The following MYO9A variants were observed in gnomAD, a reference collection of about 807,000 sequenced individuals.
MYO9A encodes unconventional myosin-IXa.
A neutral mutation model predicts 293.3 loss-of-function variants in MYO9A; 103 were observed. The observed-to-expected ratio is 0.35, with a 90% confidence interval of 0.30 to 0.41. MYO9A has a LOEUF of 0.41. MYO9A is among the 10% of genes least tolerant of loss of function. MYO9A has a pLI of 1.00. For synonymous variants in MYO9A, 1,001 were observed against 1,035.7 expected (o/e 0.97, Z 0.64); for missense variants, 2,685 against 3,033.0 (o/e 0.89, Z 2.69).
chr15:71,956,329 A>ATTTT lies in MYO9A; in HGVS notation c.2182+3571_2182+3572insAAAA, dbSNP rs1273937101. Among the ~76,000 whole-genome samples, 26 of 96,770 alleles carry ATTTT rather than the reference A, an allele frequency of 2.7e-4. No individual in the cohort carries two copies. The South Asian group carries it at 7.1e-3, about 26-fold the overall frequency. The allele number at this position is 96,770 out of a possible 152,430, so 63.5% of individuals were successfully genotyped here. On this transcript the variant is annotated intron_variant, in intron 14 of 41. Coordinates refer to ENST00000356056, the MANE Select transcript of MYO9A (RefSeq NM_006901.4). ...GGCTCTTAAAAAAAAAAAAAAAAAA[A>ATTTT]AATATATATATATATATATATAAAA...
chr15:72,114,022 G>A (rs2080877787), intron 1 of MYO9A, among the ~76,000 whole-genome samples: 2 of 152,200 alleles, frequency 1.3e-5, no homozygotes, highest in Admixed American at 6.5e-5. Flanking sequence ...ACTGAAGAAA[G>A]AAACGGTATC....
intron 6 of MYO9A, among the ~76,000 whole-genome samples, chr15:72,015,981 C>T (rs2077326403): frequency 1.3e-5 from 2 of 152,068 alleles, no homozygotes; most frequent in Admixed American, 1.3e-4. Context: ...AGCCACTGCG[C>T]CCAGCCTCAG....
rs372314723 is a variant in MYO9A at position 71,878,021 on chromosome 15, C to T, written c.5931+19G>A. On this transcript the variant is annotated intron_variant, in intron 31 of 41. Transcript: ENST00000356056. ...TTCATAATTAAATCCTTTAAGTAAT[C>T]AAAATATATCACATTTACCTTTGTG... 4.5e-6 allele frequency: 7 copies of T among 1,550,198 alleles called. No individual in the cohort carries two copies. The highest frequency in any genetic ancestry group is 2.6e-6 in the Non-Finnish European group (3 of 1,151,022).
intron 2 of MYO9A, among the ~76,000 whole-genome samples, chr15:72,040,855 A>G (rs879690948): frequency 2.0e-5 from 3 of 152,230 alleles, no homozygotes; most frequent in Admixed American, 6.5e-5. Flanking sequence ...TGAAAACACA[A>G]TATGTCAGAA....
intron 19 of MYO9A, among the ~76,000 whole-genome samples, chr15:71,911,661 CAT>C (rs1245674550): frequency 6.6e-6 from 1 of 152,204 alleles, no homozygotes; most frequent in African/African-American, 2.4e-5. Flanking sequence ...TAAGTAGAGA[CAT>C]AGTGCTATGA....
rs2054412957 is a variant in MYO9A, at chr15:71,824,993, A to AAATACAGGTTAT, written c.*1575_*1586dup. ...GAAGTATGAAAAGGAAGAATACCCA[A>AAATACAGGTTAT]AATACAGGTTATAGATGGTAAAGGC... On this transcript the variant is annotated 3_prime_UTR_variant, in exon 42 of 42. Coordinates refer to ENST00000356056, the MANE Select transcript of MYO9A (RefSeq NM_006901.4). The AAATACAGGTTAT allele has an allele frequency of 6.6e-6, 1 of 152,256 alleles. No homozygotes were observed. The highest frequency in any genetic ancestry group is 2.1e-4 in the South Asian group (1 of 4,836). The allele number at this position is 152,256 out of a possible 1,614,324, so 9.4% of individuals were successfully genotyped here. A position where few individuals can be genotyped will look rare whatever the true frequency, so the allele number is the denominator to read the frequency against.
intron 2 of MYO9A, among the ~76,000 whole-genome samples, chr15:72,041,889 A>C (rs1014965238): frequency 1.3e-5 from 2 of 151,912 alleles, no homozygotes; most frequent in Admixed American, 1.3e-4. Context: ...AAAAAAAAAA[A>C]ACAGTAATAA....
intron 41 of MYO9A, 94 bp downstream of exon 41, chr15:71,827,790 A>G (rs1595976322): frequency 7.5e-7 from 1 of 1,339,948 alleles, no homozygotes; most frequent in East Asian, 2.3e-5. Flanking sequence ...ATGTACAGTC[A>G]GTAAATTCTT....
rs945180934 is a variant in MYO9A at position 72,104,342 on chromosome 15, A to G, written c.-72+13338T>C. On this transcript the variant is annotated intron_variant, in intron 1 of 41. Transcript: ENST00000356056. ...GCATTTTCGACTTATGGTATTTTCA[A>G]CTTACAATGGGTTTATCAGGATGTA... Among the ~76,000 whole-genome samples the G allele has an allele frequency of 8.5e-5, 13 of 152,320 alleles. No individual in the cohort carries two copies. The South Asian group carries it at 2.1e-3, about 24-fold the overall frequency.
chr15:71,920,914 C>CCTAG (rs1360467311), intron 18 of MYO9A, among the ~76,000 whole-genome samples: 59 of 152,154 alleles, frequency 3.9e-4, no homozygotes, highest in Non-Finnish European at 4.4e-4. Flanking sequence ...TGCACTCCAG[C>CCTAG]CTAGGTGACA....
At chr15:71,860,785 G>A (rs2056084133) in intron 33 of MYO9A, among the ~76,000 whole-genome samples, 1 of 151,722 alleles carries the variant, frequency 6.6e-6, no homozygotes, top group Non-Finnish European at 1.5e-5. Flanking sequence ...TGATCAACAT[G>A]GTAAAACCCT....
intron 6 of MYO9A, among the ~76,000 whole-genome samples, chr15:72,013,535 T>C (rs1276268114): frequency 6.6e-6 from 1 of 152,218 alleles, no homozygotes; most frequent in Non-Finnish European, 1.5e-5. Context: ...AATCCTTCTG[T>C]CAGCTCCATA....
At chr15:72,034,341 T>C (rs139018001) in intron 2 of MYO9A, among the ~76,000 whole-genome samples, 2,594 of 152,340 alleles carry the variant, frequency 0.017, 45 homozygotes, top group Non-Finnish European at 0.026. Context: ...GCTCTACTTA[T>C]TATGCATGCA....
chr15:72,053,098 C>T (rs928274984), intron 1 of MYO9A, among the ~76,000 whole-genome samples: 14 of 152,172 alleles, frequency 9.2e-5, no homozygotes, highest in African/African-American at 1.7e-4. Context: ...AGGGTAGCCA[C>T]TAAAAAAGAC....
At chr15:71,843,297 C>CA (rs1462008928) in intron 39 of MYO9A, among the ~76,000 whole-genome samples, 2 of 152,088 alleles carry the variant, frequency 1.3e-5, no homozygotes, top group Non-Finnish European at 2.9e-5. Flanking sequence ...GGCACGGTGG[C>CA]AGGCACCTAT....
At chr15:71,969,660 C>A (rs149104601) in intron 12 of MYO9A, among the ~76,000 whole-genome samples, 2 of 152,246 alleles carry the variant, frequency 1.3e-5, no homozygotes, top group East Asian at 3.9e-4. Context: ...AATTGAAAAG[C>A]TTATGATATA....
chr15:72,008,035 T>G, intron 7 of MYO9A, 83 bp from the exon 8 acceptor site: 1 of 1,470,438 alleles, frequency 6.8e-7, no homozygotes, highest in East Asian at 2.3e-5. Flanking sequence ...TTAAGCAAAT[T>G]AACCTACAAA....
At chr15:71,868,018 T>C (rs1364102318) in intron 32 of MYO9A, among the ~76,000 whole-genome samples, 1 of 152,170 alleles carries the variant, frequency 6.6e-6, no homozygotes, top group Non-Finnish European at 1.5e-5. Context: ...AAACAACACC[T>C]ATCATTTGTT....
At chr15:72,067,921 A>T (rs2079069074) in intron 1 of MYO9A, among the ~76,000 whole-genome samples, 1 of 152,160 alleles carries the variant, frequency 6.6e-6, no homozygotes. Flanking sequence ...CAAATCTTCT[A>T]CTCTGTAGAA....
Sources: allele counts gnomAD v4.1 joint callset (sites outside exome capture counted in the v4.1 genomes callset), GRCh38; gene constraint gnomAD v4.1.1; transcripts MANE v1.5; gene names NCBI Gene and HGNC (gene_info 2026-07-23, HGNC 2026-07-21).